The following HSD17B4 variants were observed in gnomAD, a reference collection of about 807,000 sequenced individuals.
HSD17B4 encodes the protein hydroxysteroid 17-beta dehydrogenase 4, also known as peroxisomal multifunctional enzyme type 2.
In HSD17B4, 70 loss-of-function variants were observed where a neutral mutation model predicts 101.0. That is an observed-to-expected ratio of 0.69 (90% CI 0.57 to 0.85). The LOEUF is 0.85. Ranked by LOEUF, HSD17B4 falls within the 40% of genes least tolerant of loss-of-function variation. HSD17B4 has a pLI of 0.00. For missense variants in HSD17B4, 984 were observed against 892.4 expected (o/e 1.10, Z -1.31); for synonymous variants, 347 against 297.1 (o/e 1.17, Z -1.73).
At chr5:119,491,098 C>A (rs1045977809) in intron 9 of HSD17B4, among the ~76,000 whole-genome samples, 1 of 152,076 alleles carries the variant, frequency 6.6e-6, no homozygotes, top group Non-Finnish European at 1.5e-5. Context: ...GTGGCAGATA[C>A]AAATATTTTT....
chr5:119,529,198 A>G (rs1561488490), intron 20 of HSD17B4, among the ~76,000 whole-genome samples: 2 of 152,190 alleles, frequency 1.3e-5, no homozygotes, highest in South Asian at 4.1e-4. Flanking sequence ...AACTTTAGAA[A>G]CTTATCCTAT....
chr5:119,521,897 T>C (rs1329737591), intron 17 of HSD17B4, among the ~76,000 whole-genome samples: 2 of 151,610 alleles, frequency 1.3e-5, no homozygotes, highest in African/African-American at 4.8e-5. Flanking sequence ...CTAAAAGGTT[T>C]TGTTTTGCAT....
chr5:119,490,735 A>C (rs1750027699), intron 9 of HSD17B4, among the ~76,000 whole-genome samples: 1 of 151,856 alleles, frequency 6.6e-6, no homozygotes, highest in Admixed American at 6.6e-5. Flanking sequence ...AACCCAGCTA[A>C]TTTTTGTATT....
In HSD17B4 at chr5:119,542,238, T is replaced by TA. The variant is rs34381335; in HGVS notation, c.*250dup. The TA allele has an allele frequency of 0.55, 165,454 of 301,858 alleles. 46,895 individuals are homozygous for TA. Among genetic ancestry groups the TA allele is most frequent in the African/African-American group, 0.64 (29,231 of 45,596 alleles). The allele number at this position is 301,858 out of a possible 1,614,324, so 18.7% of individuals were successfully genotyped here. ...TGTTCTTAGATCTGTATCTTCATAA[T>TA]AAAAAATTTTGCCCAAGTCCTGTTT... On this transcript the variant is annotated 3_prime_UTR_variant, in exon 24 of 24. Coordinates refer to ENST00000510025, the MANE Select transcript of HSD17B4 (RefSeq NM_000414.4).
At chr5:119,456,998 A>G in intron 2 of HSD17B4, among the ~76,000 whole-genome samples, 1 of 152,194 alleles carries the variant, frequency 6.6e-6, no homozygotes, top group East Asian at 1.9e-4. Context: ...GAAGTGTTTT[A>G]AAAAAATTTA....
chr5:119,460,993 C>T (rs535477676), intron 2 of HSD17B4, among the ~76,000 whole-genome samples: 45 of 152,124 alleles, frequency 3.0e-4, no homozygotes, highest in African/African-American at 1.0e-3. Flanking sequence ...GGTTATATAG[C>T]GAGCAAGGTC....
chr5:119,529,379 A>G (rs1308688423), intron 20 of HSD17B4, among the ~76,000 whole-genome samples: 1 of 152,172 alleles, frequency 6.6e-6, no homozygotes, highest in Non-Finnish European at 1.5e-5. Flanking sequence ...TGGAATTACT[A>G]CTTAAAAAAC....
intron 7 of HSD17B4, 58 bp from the exon 8 acceptor site, chr5:119,478,776 G>T: frequency 7.0e-7 from 1 of 1,429,726 alleles, no homozygotes; most frequent in East Asian, 2.3e-5. Context: ...CAGAGTTAGA[G>T]TTGCAATGTT....
At chr5:119,501,279 G>A (rs891991931) in intron 13 of HSD17B4, among the ~76,000 whole-genome samples, 1 of 149,708 alleles carries the variant, frequency 6.7e-6, no homozygotes, top group Non-Finnish European at 1.5e-5. Context: ...ACCTTCATTT[G>A]TCTTCTCATC....
Position 119,509,273 on chromosome 5 carries a change from A to G in HSD17B4, c.1437+29A>G, listed in dbSNP as rs531132379. ...AGCCATGACTTTGTAAGCAAAATAT[A>G]TGTGTAGTTAAGGATTCTTACCTAT... On this transcript the variant is annotated intron_variant, in intron 16 of 23. Transcript: ENST00000510025. 9.7e-6 allele frequency: 12 copies of G among 1,239,030 alleles called. No individual in the cohort carries two copies. The South Asian group carries it at 1.1e-4, about 11-fold the overall frequency. 76.8% of individuals were successfully genotyped at this position (1,239,030 alleles called of 1,614,324 possible). A position where few individuals can be genotyped will look rare whatever the true frequency, so the allele number is the denominator to read the frequency against.
intron 2 of HSD17B4, among the ~76,000 whole-genome samples, chr5:119,466,115 C>T (rs1180142600): frequency 6.6e-6 from 1 of 152,178 alleles, no homozygotes; most frequent in Non-Finnish European, 1.5e-5. Context: ...TGTGATATCA[C>T]ATTTATTGAT....
chr5:119,537,459 C>A (rs1442538777), intron 23 of HSD17B4, among the ~76,000 whole-genome samples: 1 of 152,086 alleles, frequency 6.6e-6, no homozygotes, highest in East Asian at 1.9e-4. Context: ...CAGTGCTTGG[C>A]AATGCAGTGA....
chr5:119,507,574 G>A (rs1751769796), intron 15 of HSD17B4, among the ~76,000 whole-genome samples: 1 of 151,956 alleles, frequency 6.6e-6, no homozygotes, highest in Non-Finnish European at 1.5e-5. Context: ...ATGAGGTCAG[G>A]AGATCGAGAT....
chr5:119,521,533 A>G lies in HSD17B4; in HGVS notation c.1504-3683A>G, dbSNP rs905782322. On this transcript the variant is annotated intron_variant, in intron 17 of 23. Transcript: ENST00000510025. Reference sequence around the variant, plus strand: ...ATGTTGAATCTTTTCATGTCTTTCAACTACTTTTCTTCTGTTCTTTTTTAG... The same window carrying G: ...ATGTTGAATCTTTTCATGTCTTTCAGCTACTTTTCTTCTGTTCTTTTTTAG... Among the ~76,000 whole-genome samples, 7 of 151,960 alleles carry G rather than the reference A, an allele frequency of 4.6e-5. No individual in the cohort carries two copies. In the East Asian group the frequency reaches 5.8e-4, roughly 13 times the overall value.
chr5:119,453,298 A>T (rs1040259919), intron 1 of HSD17B4, among the ~76,000 whole-genome samples: 8 of 152,240 alleles, frequency 5.3e-5, no homozygotes, highest in African/African-American at 1.7e-4. Context: ...TGGGAGTAGG[A>T]TGGGCACATC....
At chr5:119,501,761 C>T (rs1227281311) in intron 13 of HSD17B4, among the ~76,000 whole-genome samples, 5 of 152,136 alleles carry the variant, frequency 3.3e-5, no homozygotes, top group African/African-American at 7.2e-5. Context: ...TTTATTGTCT[C>T]TTGGCAAATA....
intron 22 of HSD17B4, among the ~76,000 whole-genome samples, chr5:119,534,754 G>A (rs1478469598): frequency 6.6e-6 from 1 of 152,038 alleles, no homozygotes; most frequent in Non-Finnish European, 1.5e-5. Context: ...AGTTAGGAAT[G>A]GGGGCCTGTT....
chr5:119,485,470 T>A (rs1348562583), intron 8 of HSD17B4, among the ~76,000 whole-genome samples: 2 of 152,170 alleles, frequency 1.3e-5, no homozygotes, highest in Non-Finnish European at 2.9e-5. Context: ...AAGTTATAGA[T>A]CATTTTTAAA....
At chr5:119,458,508 A>AT (rs35423756) in intron 2 of HSD17B4, among the ~76,000 whole-genome samples, 38,106 of 136,278 alleles carry the variant, frequency 0.28, 5,880 homozygotes, top group East Asian at 0.41. Context: ...AGCCTGGCTA[A>AT]TTTTTTTTTT....
Sources: gnomAD v4.1 joint callset for allele counts (sites outside exome capture counted in the v4.1 genomes callset) on GRCh38, gnomAD v4.1.1 for gene constraint, MANE v1.5 for transcripts, NCBI Gene and HGNC (gene_info 2026-07-23, HGNC 2026-07-21) for gene names.